Variants in LRBA observed in about 807,000 individuals in gnomAD.
The protein encoded by LRBA is LPS responsive beige-like anchor protein, also known as lipopolysaccharide-responsive and beige-like anchor protein.
A neutral mutation model predicts 330.0 loss-of-function variants in LRBA; 176 were observed. The observed-to-expected ratio is 0.53, with a 90% CI of 0.47 to 0.60. The LOEUF (loss-of-function observed/expected upper bound fraction) is 0.60. Among genes scored for constraint, LRBA ranks in the 20% least tolerant of loss-of-function variants. LRBA has a pLI of 0.00. For missense variants in LRBA, 3,259 were observed against 3,444.8 expected (o/e 0.95, Z 1.35); for synonymous variants, 1,230 against 1,193.0 (o/e 1.03, Z -0.64).
chr4:150,977,958 A>ACACG (rs1740387580), intron 2 of LRBA, among the ~76,000 whole-genome samples: 2 of 152,280 alleles, frequency 1.3e-5, no homozygotes, highest in South Asian at 4.1e-4. Flanking sequence ...GCCTCAGGAA[A>ACACG]CACGCTACCC....
intron 2 of LRBA, among the ~76,000 whole-genome samples, chr4:151,011,219 T>A (rs1008230375): frequency 1.3e-5 from 2 of 151,622 alleles, no homozygotes; most frequent in African/African-American, 4.8e-5. Flanking sequence ...TCTGGAAAGT[T>A]ATATGGCTCT....
intron 26 of LRBA, among the ~76,000 whole-genome samples, chr4:150,845,267 C>T (rs1324176589): frequency 2.0e-5 from 3 of 152,126 alleles, no homozygotes; most frequent in South Asian, 2.1e-4. Flanking sequence ...TCTTATATTG[C>T]ATCATTACAG....
At chr4:150,442,568 T>C (rs533846590) in intron 44 of LRBA, among the ~76,000 whole-genome samples, 1 of 152,156 alleles carries the variant, frequency 6.6e-6, no homozygotes, top group South Asian at 2.1e-4. Context: ...TGATGACAGA[T>C]AAAGCCTGCC....
At chr4:150,561,777 T>A (rs1768374062) in intron 40 of LRBA, among the ~76,000 whole-genome samples, 1 of 152,160 alleles carries the variant, frequency 6.6e-6, no homozygotes, top group Admixed American at 6.6e-5. Flanking sequence ...AATTAATATA[T>A]ATTCTATTTT....
intron 37 of LRBA, among the ~76,000 whole-genome samples, chr4:150,651,017 C>T (rs1452536837): frequency 1.3e-5 from 2 of 152,182 alleles, no homozygotes; most frequent in East Asian, 3.9e-4. Flanking sequence ...AAATAGCTCC[C>T]TAATTATCTA....
At chr4:150,845,040 A>T (rs114014720) in intron 26 of LRBA, among the ~76,000 whole-genome samples, 2,214 of 152,254 alleles carry the variant, frequency 0.015, 57 homozygotes, top group African/African-American at 0.049. Flanking sequence ...TGCTGAAAGG[A>T]AATCAGTTCA....
At chr4:150,604,242 C>CA (rs887628047) in intron 37 of LRBA, among the ~76,000 whole-genome samples, 99 of 141,510 alleles carry the variant, frequency 7.0e-4, no homozygotes, top group East Asian at 4.2e-3. Flanking sequence ...GACCCTGGTT[C>CA]AAAAAAAAAA....
At chr4:150,566,895 A>G (rs1165858823) in intron 40 of LRBA, among the ~76,000 whole-genome samples, 1 of 152,116 alleles carries the variant, frequency 6.6e-6, no homozygotes, top group Non-Finnish European at 1.5e-5. Context: ...AGAGCTTAAT[A>G]TATTTGGTAA....
intron 22 of LRBA, among the ~76,000 whole-genome samples, chr4:150,857,898 G>A (rs1488121962): frequency 2.0e-5 from 3 of 151,986 alleles, no homozygotes; most frequent in Non-Finnish European, 4.4e-5. Flanking sequence ...ATAATATGCA[G>A]GCATTAAAAT....
intron 47 of LRBA, among the ~76,000 whole-genome samples, chr4:150,374,162 ATGAAAC>A (rs1740878076): frequency 6.6e-6 from 1 of 152,172 alleles, no homozygotes; most frequent in African/African-American, 2.4e-5. Flanking sequence ...TTATGTACGG[ATGAAAC>A]GTTTCTCCCT....
intron 53 of LRBA, among the ~76,000 whole-genome samples, chr4:150,297,783 A>C (rs1457182956): frequency 1.3e-5 from 2 of 152,240 alleles, no homozygotes; most frequent in African/African-American, 4.8e-5. Context: ...TTTCATCACC[A>C]ACTGTGGTGC....
At chr4:150,996,287 C>T (rs1742637518) in intron 2 of LRBA, among the ~76,000 whole-genome samples, 1 of 152,082 alleles carries the variant, frequency 6.6e-6, no homozygotes, top group African/African-American at 2.4e-5. Context: ...TCAACTTTTT[C>T]TAAATATTTT....
At chr4:150,443,743 T>A (rs150449330) in intron 44 of LRBA, among the ~76,000 whole-genome samples, 22,401 of 151,102 alleles carry the variant, frequency 0.15, 1,681 homozygotes, top group Middle Eastern at 0.17. Context: ...ATATACTTAA[T>A]GTAAATGATG....
intron 15 of LRBA, 136 bp from the exon 16 acceptor site, chr4:150,896,592 A>C: frequency 2.0e-6 from 1 of 498,654 alleles, no homozygotes. Context: ...CTAAATTTAA[A>C]ACAAAAATTT....
At chr4:150,568,248 T>C (rs563693472) in intron 40 of LRBA, among the ~76,000 whole-genome samples, 7 of 152,116 alleles carry the variant, frequency 4.6e-5, no homozygotes, top group Non-Finnish European at 7.4e-5. Context: ...AAAGCTAGCC[T>C]GGAAAGACAA....
At chr4:150,534,368 ATAATAATAAT>A (rs1162167890) in intron 40 of LRBA, among the ~76,000 whole-genome samples, 8 of 142,108 alleles carry the variant, frequency 5.6e-5, no homozygotes, top group African/African-American at 1.6e-4. Flanking sequence ...AATAATAATA[ATAATAATAAT>A]TTTTTTTAAA....
intron 36 of LRBA, among the ~76,000 whole-genome samples, chr4:150,717,719 C>A (rs1007859138): frequency 4.5e-5 from 4 of 89,540 alleles, no homozygotes; most frequent in Admixed American, 1.1e-4. Flanking sequence ...CTTTCATGGT[C>A]TTTATTTAAT....
At chr4:150,719,647 C>T (rs1728671549) in intron 36 of LRBA, among the ~76,000 whole-genome samples, 1 of 151,984 alleles carries the variant, frequency 6.6e-6, no homozygotes, top group Admixed American at 6.6e-5. Context: ...TAATCATGTC[C>T]CCATGCCCCC....
At chr4:151,014,909 G>A in intron 1 of LRBA, 48 bp from the exon 2 acceptor site, 1 of 392,588 alleles carries the variant, frequency 2.5e-6, no homozygotes, top group Non-Finnish European at 4.6e-6. Flanking sequence ...TTTGTTTTAG[G>A]GTTTTGAGGG....
Sources: allele counts gnomAD v4.1 joint callset (sites outside exome capture counted in the v4.1 genomes callset), GRCh38; gene constraint gnomAD v4.1.1; transcripts MANE v1.5; gene names NCBI Gene and HGNC (gene_info 2026-07-23, HGNC 2026-07-21).